The following CELF2 variants were observed in gnomAD, a reference collection of about 807,000 sequenced individuals.
The protein encoded by CELF2 is CUGBP Elav-like family member 2.
A neutral mutation model predicts 62.6 loss-of-function variants in CELF2; 8 were observed. The ratio of observed to expected loss-of-function variants is 0.13; its 90% CI spans 0.07 to 0.23. CELF2 has a LOEUF of 0.23. Ranked by LOEUF, CELF2 falls within the 10% of genes least tolerant of loss-of-function variation. The pLI is 1.00. For synonymous variants in CELF2, 258 were observed against 250.0 expected (o/e 1.03, Z -0.30); for missense variants, 333 against 671.0 (o/e 0.50, Z 5.56).
chr10:11,045,828 T>G (rs748863709), intron 1 of CELF2, among the ~76,000 whole-genome samples: 6 of 152,296 alleles, frequency 3.9e-5, no homozygotes, highest in Non-Finnish European at 8.8e-5. Context: ...CCATATCTGT[T>G]TATAGCCTAT....
At chr10:10,578,067 T>G in the CELF2 span, among the ~76,000 whole-genome samples, 4,806 of 152,306 alleles carry the variant, frequency 0.032, 152 homozygotes, top group East Asian at 0.1. Flanking sequence ...TGGTGTGAGA[T>G]GGTATCTCAT....
At chr10:10,841,992 G>A (rs1031321183) in intron 1 of CELF2, among the ~76,000 whole-genome samples, 3 of 151,978 alleles carry the variant, frequency 2.0e-5, no homozygotes, top group Admixed American at 6.6e-5. Context: ...TTTTCTGTAT[G>A]TGGGTCCTAT....
the CELF2 span, among the ~76,000 whole-genome samples, chr10:10,649,542 G>C: frequency 6.6e-6 from 1 of 151,748 alleles, no homozygotes; most frequent in Non-Finnish European, 1.5e-5. Flanking sequence ...CATAGAAAGG[G>C]ATGTGGTACC....
intron 1 of CELF2, among the ~76,000 whole-genome samples, chr10:11,112,379 A>G (rs1180970610): frequency 1.3e-5 from 2 of 152,266 alleles, no homozygotes; most frequent in East Asian, 3.8e-4. Flanking sequence ...AAAGGGAGTC[A>G]GAAACTGCAG....
chr10:11,219,892 A>C (rs775256922), intron 3 of CELF2, among the ~76,000 whole-genome samples: 4 of 152,350 alleles, frequency 2.6e-5, no homozygotes, highest in Non-Finnish European at 5.9e-5. Flanking sequence ...TCCCACTGTG[A>C]TGTGAAGGCA....
intron 1 of CELF2, among the ~76,000 whole-genome samples, chr10:11,067,062 T>A (rs2068370077): frequency 6.6e-6 from 1 of 152,190 alleles, no homozygotes; most frequent in African/African-American, 2.4e-5. Context: ...CCCTCCATCA[T>A]CCAGTTATTA....
chr10:11,066,499 C>T (rs1194880472), intron 1 of CELF2, among the ~76,000 whole-genome samples: 2 of 152,070 alleles, frequency 1.3e-5, no homozygotes, highest in Non-Finnish European at 2.9e-5. Flanking sequence ...AGTCAGTATT[C>T]CAGCTGAGGC....
At chr10:10,901,928 A>G (rs966946843) in intron 1 of CELF2, among the ~76,000 whole-genome samples, 2 of 152,242 alleles carry the variant, frequency 1.3e-5, no homozygotes, top group Admixed American at 1.3e-4. Flanking sequence ...AGATTTGAAT[A>G]AGCATTTCAC....
In CELF2 at chr10:11,288,561, G is replaced by A. The variant is rs375181854; in HGVS notation, c.976+9G>A. 1,373 of 1,613,012 alleles carry A rather than the reference G, an allele frequency of 8.5e-4. 8 individuals carry two copies. The highest frequency in any genetic ancestry group is 7.1e-3 in the Middle Eastern group (43 of 6,058). The stretch of plus-strand genomic sequence containing the variant: ...AGCCCTCACGAGTCCCGGTGAGTGT[G>A]GGGGGTGCTCTTCCCTTGCAGGTGA... On this transcript the variant is annotated intron_variant, in intron 9 of 12. Transcript: ENST00000633077.
intron 1 of CELF2, among the ~76,000 whole-genome samples, chr10:10,873,536 C>G (rs1351062073): frequency 6.6e-6 from 1 of 152,172 alleles, no homozygotes. Context: ...AATTGCAGTT[C>G]ATATTGTTGA....
At chr10:10,488,591 C>G in the CELF2 span, among the ~76,000 whole-genome samples, 1 of 152,056 alleles carries the variant, frequency 6.6e-6, no homozygotes, top group South Asian at 2.1e-4. Context: ...ATTTTATAGA[C>G]AAGAAACTAA....
intron 4 of CELF2, among the ~76,000 whole-genome samples, chr10:11,252,894 C>G (rs543872111): frequency 6.6e-6 from 1 of 152,132 alleles, no homozygotes; most frequent in Admixed American, 6.5e-5. Context: ...TGCAGAAAGA[C>G]AAATGGCGGG....
intron 1 of CELF2, among the ~76,000 whole-genome samples, chr10:11,164,127 G>A (rs2066378747): frequency 6.6e-6 from 1 of 152,222 alleles, no homozygotes; most frequent in Non-Finnish European, 1.5e-5. Flanking sequence ...GCTTCTGCCT[G>A]CTTTGTTTCG....
At chr10:10,690,173 G>C in the CELF2 span, among the ~76,000 whole-genome samples, 2 of 152,092 alleles carry the variant, frequency 1.3e-5, no homozygotes, top group African/African-American at 4.8e-5. Context: ...TTTCCTCCTT[G>C]CTGAAGATTT....
chr10:11,256,719 T>C (rs1377722938), intron 4 of CELF2, among the ~76,000 whole-genome samples: 1 of 149,806 alleles, frequency 6.7e-6, no homozygotes, highest in Non-Finnish European at 1.5e-5. Flanking sequence ...AACGCTGTCC[T>C]GAGATCAGTT....
upstream of CELF2, among the ~76,000 whole-genome samples, chr10:11,014,928 G>A (rs2057026365): frequency 6.6e-6 from 1 of 152,164 alleles, no homozygotes; most frequent in Non-Finnish European, 1.5e-5. Context: ...AAACTATGAG[G>A]AAACTTCATT....
chr10:11,086,829 A>G (rs1007145895), intron 1 of CELF2, among the ~76,000 whole-genome samples: 3 of 152,178 alleles, frequency 2.0e-5, no homozygotes, highest in African/African-American at 2.4e-5. Flanking sequence ...ATGTAAAAAT[A>G]TATTTCTACA....
intron 3 of CELF2, among the ~76,000 whole-genome samples, chr10:11,238,834 G>C (rs542240335): frequency 5.4e-4 from 82 of 152,258 alleles, no homozygotes; most frequent in African/African-American, 1.8e-3. Context: ...TTTCATTCAT[G>C]GTCCGTGCCT....
chr10:10,575,056 T>C, the CELF2 span, among the ~76,000 whole-genome samples: 1 of 152,074 alleles, frequency 6.6e-6, no homozygotes, highest in Non-Finnish European at 1.5e-5. Flanking sequence ...GCTTTTTATT[T>C]AGTTGTTCTT....
Sources: gnomAD v4.1 joint callset for allele counts (sites outside exome capture counted in the v4.1 genomes callset) on GRCh38, gnomAD v4.1.1 for gene constraint, MANE v1.5 for transcripts, NCBI Gene and HGNC (gene_info 2026-07-23, HGNC 2026-07-21) for gene names.